Variants in ASTN2 observed in about 807,000 individuals in gnomAD.
The protein encoded by ASTN2 is astrotactin-2.
ASTN2 carries 54 observed loss-of-function variants against 139.8 expected under a neutral mutation model. The ratio of observed to expected loss-of-function variants is 0.39; its 90% CI spans 0.31 to 0.48. ASTN2 has a LOEUF of 0.48. ASTN2 is among the 20% of genes least tolerant of loss of function. The pLI is 0.95. For synonymous variants in ASTN2, 756 were observed against 719.5 expected (o/e 1.05, Z -0.81); for missense variants, 1,565 against 1,725.1 (o/e 0.91, Z 1.64).
intron 10 of ASTN2, among the ~76,000 whole-genome samples, chr9:116,963,719 TTC>T (rs748650475): frequency 7.2e-5 from 11 of 152,226 alleles, no homozygotes; most frequent in Non-Finnish European, 1.0e-4. Context: ...CAGCTTATTC[TTC>T]TCTTCCCTTG....
intron 12 of ASTN2, among the ~76,000 whole-genome samples, chr9:116,809,864 G>T (rs1020920065): frequency 2.0e-5 from 3 of 152,192 alleles, no homozygotes; most frequent in Admixed American, 6.5e-5. Flanking sequence ...CTGTCTTGCA[G>T]TTGGGCTGAA....
At chr9:116,483,452 G>A (rs1038579007) in intron 20 of ASTN2, among the ~76,000 whole-genome samples, 1 of 152,092 alleles carries the variant, frequency 6.6e-6, no homozygotes, top group Admixed American at 6.6e-5. Context: ...TGGAAAGAGG[G>A]AGTTGGGGTT....
rs1382318692 is a variant in ASTN2, at chr9:117,344,998, T to C, written c.443-53485A>G. On this transcript the variant is annotated intron_variant, in intron 1 of 22. Transcript: ENST00000313400. The stretch of plus-strand genomic sequence containing the variant: ...GGGGAACGTTTTTCTCCCTGGGGCA[T>C]GAACAGGTTGGGGCTAAATGAAAGG... Among the ~76,000 whole-genome samples, 4 of 152,092 alleles carry C rather than the reference T, an allele frequency of 2.6e-5. No individual in the cohort carries two copies. In the East Asian group the frequency reaches 5.8e-4, roughly 22 times the overall value.
chr9:116,456,697 T>C (rs530119526), intron 20 of ASTN2, among the ~76,000 whole-genome samples: 1 of 152,276 alleles, frequency 6.6e-6, no homozygotes, highest in East Asian at 1.9e-4. Context: ...GTGAGACTTA[T>C]TCACTATCAT....
At chr9:117,006,968 T>C (rs1475436800) in intron 7 of ASTN2, among the ~76,000 whole-genome samples, 7 of 152,016 alleles carry the variant, frequency 4.6e-5, no homozygotes, top group Non-Finnish European at 8.8e-5. Flanking sequence ...AATACAAAAA[T>C]TAGCGACGTG....
At chr9:117,249,823 C>G (rs1833488411) in intron 2 of ASTN2, among the ~76,000 whole-genome samples, 1 of 152,068 alleles carries the variant, frequency 6.6e-6, no homozygotes, top group South Asian at 2.1e-4. Flanking sequence ...CAGGGTAACA[C>G]CTATGCCCTT....
chr9:116,609,379 G>GTGTGTATATATATATATA (rs1448736644), intron 19 of ASTN2, among the ~76,000 whole-genome samples: 1 of 116,726 alleles, frequency 8.6e-6, no homozygotes, highest in Non-Finnish European at 1.8e-5. Context: ...ATATATGGGT[G>GTGTGTATATATATATATA]TATATATATA....
intron 13 of ASTN2, among the ~76,000 whole-genome samples, chr9:116,760,507 G>A (rs368644885): frequency 6.6e-6 from 1 of 152,220 alleles, no homozygotes; most frequent in South Asian, 2.1e-4. Context: ...TGAAAGCCAG[G>A]CTGAGCAATT....
chr9:116,946,986 A>G lies in ASTN2; in HGVS notation c.1889+28222T>C, dbSNP rs1034066046. On this transcript the variant is annotated intron_variant, in intron 10 of 22. Transcript: ENST00000313400. ...TTGTCTTTAAATTTCTAGGTGGGAA[A>G]AAGCAGGACAGAGTTCTCCAATGTG... Among the ~76,000 whole-genome samples, 44 of 150,214 alleles carry G rather than the reference A, an allele frequency of 2.9e-4. No individual in the cohort carries two copies. In the Admixed American group the frequency reaches 2.9e-3, roughly 10 times the overall value.
Position 116,669,002 on chromosome 9 carries a change from T to C in ASTN2, c.2807-17209A>G, listed in dbSNP as rs140577025. Among the ~76,000 whole-genome samples, 955 of 151,990 alleles carry C rather than the reference T, an allele frequency of 6.3e-3. 12 individuals carry two copies. The highest frequency in any genetic ancestry group is 0.022 in the African/African-American group (896 of 41,452). On this transcript the variant is annotated intron_variant, in intron 16 of 22. Transcript: ENST00000313400. ...ATAATATGTACCCAACAAAGTGTCA[T>C]TGAGGTAGGAGGTGAGACTCAGCTC...
At chr9:116,643,031 T>C (rs115842675) in intron 17 of ASTN2, among the ~76,000 whole-genome samples, 395 of 152,336 alleles carry the variant, frequency 2.6e-3, no homozygotes, top group African/African-American at 9.2e-3. Context: ...ACTAGCCATG[T>C]TATCTTAAGT....
chr9:116,828,202 CAGG>C (rs1831695848), intron 11 of ASTN2, among the ~76,000 whole-genome samples: 1 of 150,210 alleles, frequency 6.7e-6, no homozygotes, highest in Non-Finnish European at 1.5e-5. Context: ...GAGGCTGAGG[CAGG>C]AGAATTGCTT....
intron 13 of ASTN2, among the ~76,000 whole-genome samples, chr9:116,776,254 G>T (rs1039121166): frequency 1.3e-5 from 2 of 152,186 alleles, no homozygotes; most frequent in South Asian, 2.1e-4. Context: ...TAAAGGAAGG[G>T]TTTTAGGTAA....
chr9:116,493,703 G>C (rs1849588023), intron 19 of ASTN2, among the ~76,000 whole-genome samples: 1 of 151,936 alleles, frequency 6.6e-6, no homozygotes, highest in Non-Finnish European at 1.5e-5. Context: ...ATGAGTTGAG[G>C]TCACCGTCAA....
intron 2 of ASTN2, among the ~76,000 whole-genome samples, chr9:117,282,430 A>G (rs556186992): frequency 7.7e-4 from 117 of 152,292 alleles, no homozygotes; most frequent in Admixed American, 1.4e-3. Context: ...AAACTTTTCC[A>G]TCTGGGCTTT....
At chr9:116,519,287 A>G (rs1850773033) in intron 19 of ASTN2, among the ~76,000 whole-genome samples, 1 of 152,122 alleles carries the variant, frequency 6.6e-6, no homozygotes, top group Admixed American at 6.5e-5. Context: ...ATTTAAGAAA[A>G]TTAAAATTAT....
chr9:116,749,054 A>T (rs1245537856), intron 13 of ASTN2, among the ~76,000 whole-genome samples: 2 of 71,344 alleles, frequency 2.8e-5, no homozygotes, highest in Non-Finnish European at 6.5e-5. Context: ...GTGTAGATCT[A>T]GTTGGACAAA....
intron 10 of ASTN2, among the ~76,000 whole-genome samples, chr9:116,973,181 C>T (rs1032781518): frequency 2.0e-5 from 3 of 152,148 alleles, no homozygotes; most frequent in African/African-American, 4.8e-5. Flanking sequence ...TACCTCTATG[C>T]CTCAGGTTTG....
intron 17 of ASTN2, among the ~76,000 whole-genome samples, chr9:116,645,737 A>G (rs189016278): frequency 6.6e-6 from 1 of 152,218 alleles, no homozygotes; most frequent in African/African-American, 2.4e-5. Flanking sequence ...TACAAGTTCC[A>G]GCAATGTTTA....
Sources: allele counts gnomAD v4.1 joint callset (sites outside exome capture counted in the v4.1 genomes callset), GRCh38; gene constraint gnomAD v4.1.1; transcripts MANE v1.5; gene names NCBI Gene and HGNC (gene_info 2026-07-23, HGNC 2026-07-21).